The following NLGN1 variants were observed in gnomAD, a reference collection of about 807,000 sequenced individuals.
NLGN1 encodes the protein neuroligin 1.
Under a neutral mutation model 65.5 loss-of-function variants are expected in NLGN1, and 12 were observed. That is an observed-to-expected ratio of 0.18 (90% confidence interval 0.12 to 0.30). The LOEUF (loss-of-function observed/expected upper bound fraction) is 0.30. NLGN1 is among the 10% of genes least tolerant of loss of function. The probability of loss-of-function intolerance (pLI) is 1.00; values close to 1 mark genes in which losing one functional copy is unlikely to be tolerated. For missense variants in NLGN1, 750 were observed against 1,007.1 expected (o/e 0.74, Z 3.46); for synonymous variants, 350 against 359.5 (o/e 0.97, Z 0.30).
chr3:173,734,381 ATTTTTT>A lies in NLGN1; in HGVS notation c.494-73272_494-73267del, dbSNP rs71162356. ...ATAATTAGATTCTGTGGATAATTCT[ATTTTTT>A]TTTTTTTTTTTTTTTTTTTTTTTTT... On this transcript the variant is annotated intron_variant, in intron 3 of 6. Coordinates refer to ENST00000457714, the Ensembl canonical transcript of NLGN1. Among the ~76,000 whole-genome samples, 224 of 40,082 alleles carry A rather than the reference ATTTTTT, an allele frequency of 5.6e-3. 2 individuals carry two copies. The highest frequency in any genetic ancestry group is 0.022 in the African/African-American group (201 of 9,134). 26.3% of individuals were successfully genotyped at this position (40,082 alleles called of 152,430 possible).
intron 3 of NLGN1, among the ~76,000 whole-genome samples, chr3:173,799,995 C>T (rs1455350089): frequency 8.3e-6 from 1 of 120,192 alleles, no homozygotes. Context: ...TTTTTGTATG[C>T]AATGGGTATT....
At chr3:174,224,891 G>C (rs1390754408) in intron 4 of NLGN1, among the ~76,000 whole-genome samples, 1 of 152,132 alleles carries the variant, frequency 6.6e-6, no homozygotes, top group South Asian at 2.1e-4. Context: ...AACACACTCA[G>C]TTTAGAGATA....
chr3:174,235,540 TG>T (rs996996823), intron 4 of NLGN1, among the ~76,000 whole-genome samples: 2 of 152,124 alleles, frequency 1.3e-5, no homozygotes, highest in African/African-American at 4.8e-5. Context: ...TTTAATACCC[TG>T]GGCAGACGCA....
At chr3:173,617,053 AT>A (rs1560057958) in intron 3 of NLGN1, among the ~76,000 whole-genome samples, 1 of 151,992 alleles carries the variant, frequency 6.6e-6, no homozygotes, top group East Asian at 1.9e-4. Flanking sequence ...GTCAACCTCC[AT>A]CCTACCTCAG....
intron 3 of NLGN1, among the ~76,000 whole-genome samples, chr3:173,745,790 C>T (rs1027065690): frequency 2.0e-5 from 3 of 152,180 alleles, no homozygotes; most frequent in Admixed American, 6.5e-5. Flanking sequence ...CAGAAAGAAG[C>T]GGTCTGATTT....
At chr3:173,683,820 A>G (rs1764307687) in intron 3 of NLGN1, among the ~76,000 whole-genome samples, 1 of 152,136 alleles carries the variant, frequency 6.6e-6, no homozygotes, top group Non-Finnish European at 1.5e-5. Flanking sequence ...TCAAATGTAA[A>G]CATCATTTCA....
intron 4 of NLGN1, among the ~76,000 whole-genome samples, chr3:174,115,121 T>C (rs1162263497): frequency 6.6e-6 from 1 of 152,122 alleles, no homozygotes; most frequent in Non-Finnish European, 1.5e-5. Flanking sequence ...ATATTTTGAT[T>C]TTTGTACTTT....
chr3:173,738,876 A>G lies in NLGN1; in HGVS notation c.494-68804A>G, dbSNP rs915646518. Among the ~76,000 whole-genome samples, 6 of 152,122 alleles carry G rather than the reference A, an allele frequency of 3.9e-5. No homozygotes were observed. The South Asian group carries it at 6.2e-4, about 16-fold the overall frequency. Reference sequence around the variant, plus strand: ...ACTGCAAGAGGCAAAAACATTTGATATTAGAACATGGAAAACTATAATTTG... The same window carrying G: ...ACTGCAAGAGGCAAAAACATTTGATGTTAGAACATGGAAAACTATAATTTG... On this transcript the variant is annotated intron_variant, in intron 3 of 6. Coordinates refer to ENST00000457714, the Ensembl canonical transcript of NLGN1.
intron 4 of NLGN1, among the ~76,000 whole-genome samples, chr3:173,865,193 T>G (rs1316098168): frequency 1.3e-5 from 2 of 152,166 alleles, no homozygotes; most frequent in African/African-American, 4.8e-5. Flanking sequence ...GTAACCACAG[T>G]TTGTATTAAT....
chr3:173,794,243 A>G (rs1374438164), intron 3 of NLGN1, among the ~76,000 whole-genome samples: 1 of 152,086 alleles, frequency 6.6e-6, no homozygotes, highest in African/African-American at 2.4e-5. Context: ...TTTTTCCTTG[A>G]CACTTATCAC....
intron 3 of NLGN1, among the ~76,000 whole-genome samples, chr3:173,725,900 C>G (rs1040880118): frequency 6.6e-6 from 1 of 152,104 alleles, no homozygotes; most frequent in African/African-American, 2.4e-5. Flanking sequence ...CTCCTAGATG[C>G]TGCCGCTGTT....
chr3:173,868,884 G>A (rs761567095), intron 4 of NLGN1, among the ~76,000 whole-genome samples: 3 of 152,040 alleles, frequency 2.0e-5, no homozygotes, highest in Middle Eastern at 6.3e-3. Context: ...AGTAGGGAGA[G>A]AGCAACAGAG....
At chr3:174,073,861 G>T (rs1234364369) in intron 4 of NLGN1, among the ~76,000 whole-genome samples, 4 of 152,056 alleles carry the variant, frequency 2.6e-5, no homozygotes, top group Admixed American at 6.6e-5. Flanking sequence ...ATCCACAGAG[G>T]AATAATAGAG....
chr3:173,840,655 G>A (rs1048405879), intron 4 of NLGN1, among the ~76,000 whole-genome samples: 5 of 152,074 alleles, frequency 3.3e-5, no homozygotes, highest in East Asian at 3.9e-4. Context: ...TTCCTTCATC[G>A]AATCATTAGG....
At chr3:173,819,777 T>C (rs957826931) in intron 4 of NLGN1, among the ~76,000 whole-genome samples, 1 of 152,200 alleles carries the variant, frequency 6.6e-6, no homozygotes, top group Non-Finnish European at 1.5e-5. Flanking sequence ...TTTCCAATTT[T>C]ATTAAGACAA....
intron 4 of NLGN1, among the ~76,000 whole-genome samples, chr3:173,923,636 A>G (rs1158232395): frequency 6.6e-6 from 1 of 152,180 alleles, no homozygotes; most frequent in Non-Finnish European, 1.5e-5. Flanking sequence ...TCCCTCTCAC[A>G]TCTCATTAAA....
chr3:174,239,124 G>A (rs1443912439), intron 4 of NLGN1, among the ~76,000 whole-genome samples: 1 of 151,532 alleles, frequency 6.6e-6, no homozygotes, highest in Non-Finnish European at 1.5e-5. Context: ...AGGCTGGAGT[G>A]CAGTGGCGAT....
At chr3:173,682,375 G>A (rs1179227948) in intron 3 of NLGN1, among the ~76,000 whole-genome samples, 3 of 151,936 alleles carry the variant, frequency 2.0e-5, no homozygotes, top group Admixed American at 1.3e-4. Flanking sequence ...GGATCACGAG[G>A]TCAAGAGATC....
intron 2 of NLGN1, among the ~76,000 whole-genome samples, chr3:173,584,164 G>GTT (rs1746867239): frequency 6.7e-6 from 1 of 149,514 alleles, no homozygotes; most frequent in African/African-American, 2.5e-5. Flanking sequence ...CTGTATTCAA[G>GTT]TAGTCATATA....
Sources: gnomAD v4.1 joint callset for allele counts (sites outside exome capture counted in the v4.1 genomes callset) on GRCh38, gnomAD v4.1.1 for gene constraint, MANE v1.5 for transcripts, NCBI Gene and HGNC (gene_info 2026-07-23, HGNC 2026-07-21) for gene names.